The following MAD1L1 variants were observed in gnomAD, a reference collection of about 807,000 sequenced individuals.
MAD1L1 encodes mitotic arrest deficient 1 like 1, also known as mitotic spindle assembly checkpoint protein MAD1.
MAD1L1 carries 95 observed loss-of-function variants against 96.9 expected under a neutral mutation model. The ratio of observed to expected loss-of-function variants is 0.98; its 90% CI spans 0.83 to 1.16. MAD1L1 has a LOEUF of 1.16. Among genes scored for constraint, MAD1L1 ranks in the 50% most tolerant of loss-of-function variants. The pLI is 0.00. For synonymous variants in MAD1L1, 473 were observed against 396.6 expected (o/e 1.19, Z -2.29); for missense variants, 1,007 against 954.4 (o/e 1.06, Z -0.73).
At chr7:1,909,794 G>C (rs561968258) in intron 17 of MAD1L1, among the ~76,000 whole-genome samples, 21 of 152,348 alleles carry the variant, frequency 1.4e-4, no homozygotes, top group African/African-American at 5.1e-4. Flanking sequence ...AACTCTGCTG[G>C]TACCAGACGG....
chr7:2,217,415 G>A (rs1339036077), intron 7 of MAD1L1, among the ~76,000 whole-genome samples: 1 of 152,254 alleles, frequency 6.6e-6, no homozygotes, highest in Admixed American at 6.5e-5. Context: ...GGGGTGCCGG[G>A]CAGCTCTGCA....
At chr7:2,000,827 T>C (rs1781759601) in intron 14 of MAD1L1, among the ~76,000 whole-genome samples, 1 of 152,250 alleles carries the variant, frequency 6.6e-6, no homozygotes, top group African/African-American at 2.4e-5. Context: ...GCCTTGGTCC[T>C]GCAGATGCCA....
At chr7:1,860,726 G>C (rs1784504489) in intron 18 of MAD1L1, among the ~76,000 whole-genome samples, 1 of 152,158 alleles carries the variant, frequency 6.6e-6, no homozygotes. Flanking sequence ...ATCATCCTGG[G>C]CATCACCCCG....
chr7:2,132,607 G>C (rs1788572546), intron 11 of MAD1L1, among the ~76,000 whole-genome samples: 1 of 152,204 alleles, frequency 6.6e-6, no homozygotes, highest in East Asian at 1.9e-4. Context: ...CCACAGTTCT[G>C]CCTTTTCCAG....
chr7:1,905,671 G>A (rs1315024652), intron 17 of MAD1L1, among the ~76,000 whole-genome samples: 3 of 152,224 alleles, frequency 2.0e-5, no homozygotes, highest in Non-Finnish European at 2.9e-5. Flanking sequence ...ATAGCTCTGT[G>A]GGCCTGGGCT....
chr7:1,869,714 C>T (rs914202894), intron 18 of MAD1L1, among the ~76,000 whole-genome samples: 2 of 152,190 alleles, frequency 1.3e-5, no homozygotes, highest in Non-Finnish European at 2.9e-5. Context: ...CACACTAGCA[C>T]GGGTTGAGGG....
chr7:2,001,247 C>A (rs1781778713), intron 14 of MAD1L1, among the ~76,000 whole-genome samples: 1 of 152,272 alleles, frequency 6.6e-6, no homozygotes, highest in Non-Finnish European at 1.5e-5. Flanking sequence ...TGACCCAGGC[C>A]AGCCTGACGC....
intron 14 of MAD1L1, among the ~76,000 whole-genome samples, chr7:1,984,150 C>T (rs992481392): frequency 1.3e-5 from 2 of 152,182 alleles, no homozygotes; most frequent in Admixed American, 6.5e-5. Context: ...ACTTTTGAAT[C>T]GTACTTCTTT....
chr7:1,966,031 G>A (rs1260500337), intron 15 of MAD1L1, among the ~76,000 whole-genome samples: 8 of 152,064 alleles, frequency 5.3e-5, no homozygotes, highest in African/African-American at 1.4e-4. Context: ...AGCTGAGGGC[G>A]TCCCTGGGTT....
At chr7:1,910,511 C>CTGGAGCCCAT (rs1562515729) in intron 17 of MAD1L1, among the ~76,000 whole-genome samples, 2 of 152,228 alleles carry the variant, frequency 1.3e-5, no homozygotes, top group African/African-American at 4.8e-5. Context: ...CTGGAGCCCA[C>CTGGAGCCCAT]GCTGGGCACT....
intron 18 of MAD1L1, among the ~76,000 whole-genome samples, chr7:1,886,065 G>A (rs1786003264): frequency 6.6e-6 from 1 of 152,230 alleles, no homozygotes; most frequent in East Asian, 1.9e-4. Flanking sequence ...TATCAGGGCA[G>A]CCTCATCCCA....
At chr7:1,977,349 C>G (rs1410278290) in intron 15 of MAD1L1, among the ~76,000 whole-genome samples, 1 of 152,250 alleles carries the variant, frequency 6.6e-6, no homozygotes, top group African/African-American at 2.4e-5. Flanking sequence ...TCCGCAGCTG[C>G]TGGCCCAGGT....
chr7:1,857,585 G>A (rs1784320237), intron 18 of MAD1L1, among the ~76,000 whole-genome samples: 1 of 152,236 alleles, frequency 6.6e-6, no homozygotes, highest in Non-Finnish European at 1.5e-5. Context: ...CTCAGGTGAG[G>A]GGGCTGGGCC....
At chr7:2,027,919 A>T (rs1002583177) in intron 12 of MAD1L1, among the ~76,000 whole-genome samples, 2 of 152,256 alleles carry the variant, frequency 1.3e-5, no homozygotes, top group Admixed American at 6.5e-5. Context: ...CTATTATTAA[A>T]TCACTCAATT....
intron 17 of MAD1L1, among the ~76,000 whole-genome samples, chr7:1,917,740 G>A (rs934666737): frequency 2.6e-5 from 4 of 152,196 alleles, no homozygotes; most frequent in African/African-American, 7.2e-5. Flanking sequence ...GCTGGCACAC[G>A]CTGCCCGGGC....
chr7:2,116,461 C>T (rs759128559), intron 11 of MAD1L1, among the ~76,000 whole-genome samples: 1 of 151,542 alleles, frequency 6.6e-6, no homozygotes, highest in Admixed American at 6.6e-5. Context: ...AGAGAGCCAG[C>T]GCAGACGATG....
At chr7:1,935,649 G>A (rs904814074) in intron 17 of MAD1L1, among the ~76,000 whole-genome samples, 13 of 152,352 alleles carry the variant, frequency 8.5e-5, no homozygotes, top group African/African-American at 1.9e-4. Flanking sequence ...ACAAGTCACC[G>A]CCACACAACC....
At chr7:2,013,619 C>T (rs1223321389) in intron 13 of MAD1L1, among the ~76,000 whole-genome samples, 1 of 152,282 alleles carries the variant, frequency 6.6e-6, no homozygotes, top group Non-Finnish European at 1.5e-5. Flanking sequence ...TGGTAAGGCA[C>T]CCGGCGGCGG....
intron 17 of MAD1L1, among the ~76,000 whole-genome samples, chr7:1,899,863 C>T (rs1787134137): frequency 6.6e-6 from 1 of 152,184 alleles, no homozygotes; most frequent in Non-Finnish European, 1.5e-5. Context: ...ACAGGGGAGC[C>T]AGGTGCAAAC....
Sources: allele counts gnomAD v4.1 joint callset (sites outside exome capture counted in the v4.1 genomes callset), GRCh38; gene constraint gnomAD v4.1.1; transcripts MANE v1.5; gene names NCBI Gene and HGNC (gene_info 2026-07-23, HGNC 2026-07-21).